The following CADPS variants were observed in gnomAD, a reference collection of about 807,000 sequenced individuals.
CADPS encodes calcium-dependent secretion activator 1.
Under a neutral mutation model 167.3 loss-of-function variants are expected in CADPS, and 57 were observed. That is an observed-to-expected ratio of 0.34 (90% CI 0.28 to 0.42). The LOEUF (loss-of-function observed/expected upper bound fraction) is 0.42. CADPS is among the 20% of genes least tolerant of loss of function. The pLI, the probability that CADPS is intolerant of heterozygous loss-of-function variation, is 1.00. For missense variants in CADPS, 1,414 were observed against 1,738.1 expected (o/e 0.81, Z 3.32); for synonymous variants, 676 against 635.3 (o/e 1.06, Z -0.96).
intron 1 of CADPS, among the ~76,000 whole-genome samples, chr3:62,770,890 T>C (rs1439232456): frequency 6.6e-6 from 1 of 152,204 alleles, no homozygotes; most frequent in African/African-American, 2.4e-5. Context: ...GAGTGTTGCC[T>C]GTTTTTGAAC....
At chr3:62,666,104 T>C (rs148942201) in intron 3 of CADPS, among the ~76,000 whole-genome samples, 397 of 152,304 alleles carry the variant, frequency 2.6e-3, no homozygotes, top group Non-Finnish European at 4.4e-3. Context: ...GCAGCAGAAA[T>C]GATGTGATCA....
chr3:62,518,262 C>T lies in CADPS; in HGVS notation c.2292-12G>A. On this transcript the variant is annotated splice_polypyrimidine_tract_variant and intron_variant, in intron 13 of 29. Coordinates refer to ENST00000383710, the MANE Select transcript of CADPS (RefSeq NM_003716.4). ...CAATTCCATCAGGCCTGAAAGAAGA[C>T]ATGTCATGAAATGACGGGAACCTCA... 2 of 1,598,298 alleles carry T rather than the reference C, an allele frequency of 1.3e-6. No homozygotes were observed. Among genetic ancestry groups the T allele is most frequent in the Non-Finnish European group, 1.7e-6 (2 of 1,167,882 alleles).
At chr3:62,763,397 A>C (rs1226992999) in intron 2 of CADPS, among the ~76,000 whole-genome samples, 1 of 152,230 alleles carries the variant, frequency 6.6e-6, no homozygotes, top group South Asian at 2.1e-4. Context: ...TGGGGGGAAG[A>C]TACCCATCCC....
intron 8 of CADPS, among the ~76,000 whole-genome samples, chr3:62,578,916 C>T (rs905461138): frequency 2.6e-5 from 4 of 151,890 alleles, no homozygotes; most frequent in African/African-American, 9.7e-5. Context: ...AGAGTCTGTA[C>T]CAAAAAGCAT....
Position 62,874,565 on chromosome 3 carries a change from C to A in CADPS, c.441+24G>T, listed in dbSNP as rs2083309993. On this transcript the variant is annotated intron_variant, in intron 1 of 29. Coordinates refer to ENST00000383710, the MANE Select transcript of CADPS (RefSeq NM_003716.4). This position sits in a 1 kb window ranked among gnomAD's most constrained non-coding sequence, Gnocchi z 7.1. ...GCCTGGCGACGTCCGGGTGCTGCTC[C>A]CTGGGCCTCCCAGGCGCACCTACCT... 2.6e-6 allele frequency: 4 copies of A among 1,532,868 alleles called. No individual in the cohort carries two copies. Among genetic ancestry groups the A allele is most frequent in the Non-Finnish European group, 3.5e-6 (4 of 1,135,002 alleles). The allele number at this position is 1,532,868 out of a possible 1,614,324, so 95.0% of individuals were successfully genotyped here.
At chr3:62,842,698 G>A (rs934019646) in intron 1 of CADPS, among the ~76,000 whole-genome samples, 1 of 152,134 alleles carries the variant, frequency 6.6e-6, no homozygotes, top group African/African-American at 2.4e-5. Flanking sequence ...AAGTTTTATT[G>A]TCTTTCCTAA....
At position 62,714,962 on chromosome 3, in the gene CADPS, A is replaced by G. The variant is rs956267842; in HGVS notation, c.888+38479T>C. Among the ~76,000 whole-genome samples, 3 of 152,348 alleles carry G rather than the reference A, an allele frequency of 2.0e-5. 1 individual carries two copies. The South Asian group carries it at 6.2e-4, about 32-fold the overall frequency. On this transcript the variant is annotated intron_variant, in intron 3 of 29. Coordinates refer to ENST00000383710, the MANE Select transcript of CADPS (RefSeq NM_003716.4). ...TTTCCAGATATATACAAAAACATGG[A>G]AATGTGACCATATTTGATAGCAGAT...
At chr3:62,563,396 T>A (rs193079133) in intron 9 of CADPS, among the ~76,000 whole-genome samples, 2 of 152,324 alleles carry the variant, frequency 1.3e-5, no homozygotes, top group African/African-American at 4.8e-5. Context: ...ATATTTTATC[T>A]TATTCTGATT....
chr3:62,831,798 G>A (rs1321445719), intron 1 of CADPS, among the ~76,000 whole-genome samples: 1 of 152,116 alleles, frequency 6.6e-6, no homozygotes, highest in Non-Finnish European at 1.5e-5. Flanking sequence ...GATCTGAATT[G>A]ACCACTTACA....
At chr3:62,756,090 G>C (rs548347848) in intron 2 of CADPS, among the ~76,000 whole-genome samples, 1 of 136,704 alleles carries the variant, frequency 7.3e-6, no homozygotes, top group African/African-American at 2.7e-5. Flanking sequence ...ATCTCACTTT[G>C]TTGCCCAGGC....
intron 3 of CADPS, among the ~76,000 whole-genome samples, chr3:62,743,670 G>T (rs1262509610): frequency 2.0e-5 from 3 of 152,096 alleles, no homozygotes; most frequent in African/African-American, 7.2e-5. Flanking sequence ...GCAGGGCTTT[G>T]TTAACTATGT....
At chr3:62,830,600 C>A (rs1196313446) in intron 1 of CADPS, among the ~76,000 whole-genome samples, 2 of 152,076 alleles carry the variant, frequency 1.3e-5, no homozygotes, top group African/African-American at 4.8e-5. Context: ...CCCCACAATG[C>A]CACTCAGTCA....
At chr3:62,680,557 T>C (rs1458600644) in intron 3 of CADPS, among the ~76,000 whole-genome samples, 1 of 151,986 alleles carries the variant, frequency 6.6e-6, no homozygotes, top group Non-Finnish European at 1.5e-5. Context: ...TGTCTTTCTC[T>C]TCATTACCTA....
At position 62,399,181 on chromosome 3, in the gene CADPS, G is replaced by A; in HGVS notation, c.*225C>T. ...TCTCCATGAACAGTATTTAAAGAAT[G>A]GTGCTCCATATTGCTTGTAAACATA... On this transcript the variant is annotated 3_prime_UTR_variant, in exon 30 of 30. Coordinates refer to ENST00000383710, the MANE Select transcript of CADPS (RefSeq NM_003716.4). This position sits in a 1 kb window ranked among gnomAD's most constrained non-coding sequence, Gnocchi z 5.6. 4.0e-6 allele frequency: 2 copies of A among 500,018 alleles called. No individual in the cohort carries two copies. The highest frequency in any genetic ancestry group is 7.2e-6 in the Non-Finnish European group (2 of 276,498). 31.0% of individuals were successfully genotyped at this position (500,018 alleles called of 1,614,324 possible). A position where few individuals can be genotyped will look rare whatever the true frequency, so the allele number is the denominator to read the frequency against.
At chr3:62,728,094 C>T (rs34474965) in intron 3 of CADPS, among the ~76,000 whole-genome samples, 11,766 of 151,804 alleles carry the variant, frequency 0.078, 620 homozygotes, top group Non-Finnish European at 0.11. Context: ...CTTATCAACA[C>T]GAAGTCGCTG....
intron 7 of CADPS, among the ~76,000 whole-genome samples, chr3:62,589,315 C>T (rs1167538161): frequency 1.3e-5 from 2 of 152,222 alleles, no homozygotes; most frequent in Admixed American, 6.5e-5. Context: ...GCACAAGAGC[C>T]AGGCAGGCCA....
chr3:62,787,500 T>C (rs2092571227), intron 1 of CADPS, among the ~76,000 whole-genome samples: 1 of 152,172 alleles, frequency 6.6e-6, no homozygotes, highest in Non-Finnish European at 1.5e-5. Context: ...CAAAACATTA[T>C]TTTATCTATG....
intron 3 of CADPS, among the ~76,000 whole-genome samples, chr3:62,672,182 C>G (rs562389238): frequency 1.6e-5 from 2 of 124,716 alleles, no homozygotes; most frequent in South Asian, 6.1e-4. Flanking sequence ...AAAAATCAAC[C>G]AGAGAACTTG....
At position 62,655,567 on chromosome 3, in the gene CADPS, C is replaced by T. The variant is rs984251384; in HGVS notation, c.970-4487G>A. ...TCTTTAAAAATAGCATTTGAAAGTT[C>T]TAATGCCTCCCTTGGCTGCTGGCTT... On this transcript the variant is annotated intron_variant, in intron 4 of 29. Transcript: ENST00000383710. Among the ~76,000 whole-genome samples the T allele has an allele frequency of 1.3e-4, 20 of 152,242 alleles. 1 individual carries two copies. Among genetic ancestry groups the T allele is most frequent in the Admixed American group, 1.1e-3 (17 of 15,286 alleles).
Sources: gnomAD v4.1 joint callset for allele counts (sites outside exome capture counted in the v4.1 genomes callset) on GRCh38, gnomAD v4.1.1 for gene constraint, Gnocchi (gnomAD v3.1) non-coding constraint, MANE v1.5 for transcripts, NCBI Gene and HGNC (gene_info 2026-07-23, HGNC 2026-07-21) for gene names.